KCNIP4: variants seen among roughly 807,000 people sequenced by gnomAD.
KCNIP4 encodes the protein potassium voltage-gated channel interacting protein 4, also known as Kv channel-interacting protein 4.
A neutral mutation model predicts 34.0 loss-of-function variants in KCNIP4; 12 were observed. The ratio of observed to expected loss-of-function variants is 0.35; its 90% CI spans 0.23 to 0.57. KCNIP4 has a LOEUF of 0.57. Among genes scored for constraint, KCNIP4 ranks in the 20% least tolerant of loss-of-function variants. KCNIP4 has a pLI of 0.83. For missense variants in KCNIP4, 238 were observed against 311.7 expected, an observed-to-expected ratio of 0.76 and a Z score of 1.78; for synonymous variants, 124 against 102.2, an observed-to-expected ratio of 1.21 and a Z score of -1.29.
intron 1 of KCNIP4, among the ~76,000 whole-genome samples, chr4:21,004,051 T>C (rs186315901): frequency 1.2e-4 from 18 of 152,318 alleles, no homozygotes; most frequent in Admixed American, 1.0e-3. Flanking sequence ...AAGGGGTTGC[T>C]AAAGAATTGG....
intron 1 of KCNIP4, among the ~76,000 whole-genome samples, chr4:21,301,593 C>T (rs941790425): frequency 1.3e-5 from 2 of 152,088 alleles, no homozygotes; most frequent in African/African-American, 4.8e-5. Flanking sequence ...AAGGAACTCT[C>T]AGGCGAAAAG....
chr4:21,716,966 C>T lies in KCNIP4; in HGVS notation c.61+231605G>A, dbSNP rs569045207. On this transcript the variant is annotated intron_variant, in intron 1 of 8. Transcript: ENST00000382152. ...ATGCTGGGCCAGTGTGCCCACTATC[C>T]TTCCAAAGGTGAAACTACCACACTG... Among the ~76,000 whole-genome samples, 14 of 152,282 alleles carry T rather than the reference C, an allele frequency of 9.2e-5. No homozygotes were observed. In the East Asian group the frequency reaches 2.7e-3, roughly 30 times the overall value.
At chr4:21,363,116 A>G (rs1415355686) in intron 1 of KCNIP4, among the ~76,000 whole-genome samples, 2 of 152,172 alleles carry the variant, frequency 1.3e-5, no homozygotes, top group Admixed American at 6.5e-5. Context: ...AGAGAGGTTT[A>G]GAAACTTGTT....
intron 5 of KCNIP4, among the ~76,000 whole-genome samples, chr4:20,747,681 T>C (rs534438012): frequency 6.6e-6 from 1 of 152,276 alleles, no homozygotes; most frequent in South Asian, 2.1e-4. Flanking sequence ...TTCTCAGTGC[T>C]ATTTCTCACT....
intron 3 of KCNIP4, among the ~76,000 whole-genome samples, chr4:20,803,722 A>AC (rs1714688685): frequency 1.9e-5 from 2 of 103,308 alleles, no homozygotes; most frequent in South Asian, 8.0e-4. Context: ...AGAGAGAGAG[A>AC]GAGAGAGGAA....
At chr4:21,559,424 A>G (rs1177626666) in intron 1 of KCNIP4, among the ~76,000 whole-genome samples, 2 of 152,122 alleles carry the variant, frequency 1.3e-5, no homozygotes, top group Non-Finnish European at 2.9e-5. Context: ...AAATGAAAGT[A>G]TAAGCATTCA....
chr4:21,027,571 A>G (rs1224072902), intron 1 of KCNIP4, among the ~76,000 whole-genome samples: 2 of 148,738 alleles, frequency 1.3e-5, no homozygotes, highest in Admixed American at 6.7e-5. Context: ...TATGTTATAT[A>G]TATTATAAAT....
intron 3 of KCNIP4, among the ~76,000 whole-genome samples, chr4:20,803,566 G>GAGGATCAC (rs1714640049): frequency 6.6e-6 from 1 of 151,082 alleles, no homozygotes; most frequent in Non-Finnish European, 1.5e-5. Flanking sequence ...TTGAGGTTGG[G>GAGGATCAC]AGGATCACTT....
chr4:21,914,412 GCT>G (rs1560179202), intron 1 of KCNIP4, among the ~76,000 whole-genome samples: 1 of 152,072 alleles, frequency 6.6e-6, no homozygotes, highest in African/African-American at 2.4e-5. Flanking sequence ...CTTTCTATAT[GCT>G]CTGACCTCAC....
At chr4:20,769,923 C>T (rs972415004) in intron 3 of KCNIP4, among the ~76,000 whole-genome samples, 1 of 152,270 alleles carries the variant, frequency 6.6e-6, no homozygotes, top group East Asian at 1.9e-4. Flanking sequence ...GTAAAGGACT[C>T]GTGTGATTAG....
intron 1 of KCNIP4, among the ~76,000 whole-genome samples, chr4:21,882,226 G>A (rs1449734211): frequency 6.6e-6 from 1 of 152,020 alleles, no homozygotes; most frequent in Non-Finnish European, 1.5e-5. Context: ...TTTAACACTG[G>A]CTTATTCAAT....
chr4:21,261,417 TTAGAA>T (rs756050096), intron 1 of KCNIP4, among the ~76,000 whole-genome samples: 2 of 152,126 alleles, frequency 1.3e-5, no homozygotes, highest in Non-Finnish European at 2.9e-5. Flanking sequence ...AAGAGTCAGA[TTAGAA>T]TAATCATTAA....
intron 3 of KCNIP4, among the ~76,000 whole-genome samples, chr4:20,821,866 G>A (rs979245620): frequency 6.6e-6 from 1 of 152,040 alleles, no homozygotes; most frequent in Non-Finnish European, 1.5e-5. Context: ...GTGTGTGTGT[G>A]TGTGTATCTA....
At chr4:21,474,275 A>G (rs1399541461) in intron 1 of KCNIP4, among the ~76,000 whole-genome samples, 1 of 152,174 alleles carries the variant, frequency 6.6e-6, no homozygotes, top group Non-Finnish European at 1.5e-5. Flanking sequence ...AATTACTCTA[A>G]CTTTTCTGTT....
chr4:20,762,468 A>G (rs1755032851), intron 3 of KCNIP4, among the ~76,000 whole-genome samples: 1 of 152,188 alleles, frequency 6.6e-6, no homozygotes, highest in South Asian at 2.1e-4. Flanking sequence ...TATTGAAACT[A>G]GTGCATTTTT....
intron 1 of KCNIP4, among the ~76,000 whole-genome samples, chr4:20,916,985 TTATATATATATATATA>T (rs1157104290): frequency 1.2e-3 from 50 of 41,332 alleles, no homozygotes; most frequent in South Asian, 2.8e-3. Context: ...CATCTTATGT[TTATATATATATATATA>T]TATATATATA....
chr4:21,833,996 C>G (rs1251244814), intron 1 of KCNIP4, among the ~76,000 whole-genome samples: 2 of 151,888 alleles, frequency 1.3e-5, no homozygotes, highest in Admixed American at 6.6e-5. Flanking sequence ...TTACTGTAGC[C>G]TTGTAGTATA....
At position 20,850,433 on chromosome 4, in the gene KCNIP4, A is replaced by G. The variant is rs1720882662; in HGVS notation, c.288+110T>C. The G allele has an allele frequency of 6.9e-6, 8 of 1,152,508 alleles. No homozygotes were observed. In the South Asian group the frequency reaches 7.1e-5, roughly 10 times the overall value. The allele number at this position is 1,152,508 out of a possible 1,614,324, so 71.4% of individuals were successfully genotyped here. ...TATCTGGGAAGGATCAGTATGAAAT[A>G]TACATATGATGGGGCTCTCATAGAA... On this transcript the variant is annotated intron_variant, in intron 3 of 8. Coordinates refer to ENST00000382152, the MANE Select transcript of KCNIP4 (RefSeq NM_025221.6).
chr4:21,074,043 A>G (rs1379847485), intron 1 of KCNIP4, among the ~76,000 whole-genome samples: 6 of 152,136 alleles, frequency 3.9e-5, no homozygotes, highest in Non-Finnish European at 7.3e-5. Flanking sequence ...GTATGCAAGT[A>G]TTTTATTGAG....
Sources: allele counts gnomAD v4.1 joint callset (sites outside exome capture counted in the v4.1 genomes callset), GRCh38; gene constraint gnomAD v4.1.1; transcripts MANE v1.5; gene names NCBI Gene and HGNC (gene_info 2026-07-23, HGNC 2026-07-21).